Variants in KLHL29 observed in about 807,000 individuals in gnomAD.
KLHL29 encodes the protein kelch like family member 29.
Under a neutral mutation model 80.4 loss-of-function variants are expected in KLHL29, and 21 were observed. The ratio of observed to expected loss-of-function variants is 0.26; its 90% CI spans 0.19 to 0.38. KLHL29 has a LOEUF of 0.38. Among genes scored for constraint, KLHL29 ranks in the 10% least tolerant of loss-of-function variants. The pLI is 1.00. For synonymous variants in KLHL29, 511 were observed against 526.8 expected (o/e 0.97, Z 0.41); for missense variants, 867 against 1,223.9 (o/e 0.71, Z 4.35).
intron 5 of KLHL29, among the ~76,000 whole-genome samples, chr2:23,677,228 C>G (rs1359746732): frequency 6.6e-6 from 1 of 152,184 alleles, no homozygotes; most frequent in Non-Finnish European, 1.5e-5. Context: ...GCTGTAGGCA[C>G]GGAGGGGACC....
At chr2:23,397,432 G>A (rs945985170) in intron 1 of KLHL29, among the ~76,000 whole-genome samples, 6 of 152,374 alleles carry the variant, frequency 3.9e-5, no homozygotes, top group Middle Eastern at 3.4e-3. Flanking sequence ...CAGGGGTGGG[G>A]TGGTCACTCA....
At chr2:23,420,968 AGACCT>A (rs1467764002) in intron 1 of KLHL29, among the ~76,000 whole-genome samples, 8 of 152,136 alleles carry the variant, frequency 5.3e-5, no homozygotes, top group African/African-American at 1.9e-4. Flanking sequence ...GAGACCTTAG[AGACCT>A]GGCCAGGCGC....
chr2:23,534,873 C>T (rs1666616906), intron 2 of KLHL29, among the ~76,000 whole-genome samples: 1 of 152,198 alleles, frequency 6.6e-6, no homozygotes, highest in African/African-American at 2.4e-5. Flanking sequence ...CCTAGAACCC[C>T]CTGCAGGCTT....
intron 1 of KLHL29, among the ~76,000 whole-genome samples, chr2:23,398,338 A>G (rs956190166): frequency 2.0e-5 from 3 of 152,262 alleles, no homozygotes; most frequent in African/African-American, 7.2e-5. Flanking sequence ...AAGACGTTAT[A>G]CTAAGTGAAA....
chr2:23,417,379 G>GCGTTTACAC (rs1383248847), intron 1 of KLHL29, among the ~76,000 whole-genome samples: 1 of 152,224 alleles, frequency 6.6e-6, no homozygotes, highest in African/African-American at 2.4e-5. Context: ...AGTGACCGAA[G>GCGTTTACAC]TGAATCATCT....
chr2:23,506,465 C>T (rs1044593308), intron 2 of KLHL29, among the ~76,000 whole-genome samples: 1 of 152,202 alleles, frequency 6.6e-6, no homozygotes, highest in African/African-American at 2.4e-5. Flanking sequence ...TCCTTATCCC[C>T]CAAGAGCCAC....
At chr2:23,632,841 G>A (rs1171024380) in intron 3 of KLHL29, among the ~76,000 whole-genome samples, 1 of 152,256 alleles carries the variant, frequency 6.6e-6, no homozygotes, top group African/African-American at 2.4e-5. Context: ...ACTCGGAGCA[G>A]TGCTGGCCTC....
chr2:23,461,481 T>A (rs1211446519), intron 1 of KLHL29, among the ~76,000 whole-genome samples: 2 of 152,234 alleles, frequency 1.3e-5, no homozygotes, highest in Non-Finnish European at 2.9e-5. Flanking sequence ...CCACTTCTTG[T>A]TGATTAGGAG....
chr2:23,657,496 TG>T (rs1438253287), intron 5 of KLHL29, among the ~76,000 whole-genome samples: 1 of 152,236 alleles, frequency 6.6e-6, no homozygotes, highest in East Asian at 1.9e-4. Context: ...ATATTGCTAA[TG>T]GACATCTCTC....
rs932065570 is a variant in KLHL29, at chr2:23,703,478, A to G, written c.2299+99A>G. 2.6e-6 allele frequency: 3 copies of G among 1,158,652 alleles called. No homozygotes were observed. The African/African-American group carries it at 4.7e-5, about 18-fold the overall frequency. The allele number at this position is 1,158,652 out of a possible 1,614,324, so 71.8% of individuals were successfully genotyped here. On this transcript the variant is annotated intron_variant, in intron 12 of 13. Coordinates refer to ENST00000486442, the MANE Select transcript of KLHL29 (RefSeq NM_052920.2). Reference sequence around the variant, plus strand: ...GCCCAGAAGTCAGGCTAAGCCCAACAGCTCTGCAGACCCAGATCTAGAGGG... The same window carrying G: ...GCCCAGAAGTCAGGCTAAGCCCAACGGCTCTGCAGACCCAGATCTAGAGGG...
intron 5 of KLHL29, chr2:23,671,812 G>A (rs1463360655): frequency 1.3e-5 from 2 of 152,292 alleles, no homozygotes; most frequent in African/African-American, 2.4e-5. Context: ...CCCACTGGCT[G>A]GGGATGGAGG....
At chr2:23,434,079 T>C (rs10180852) in intron 1 of KLHL29, among the ~76,000 whole-genome samples, 67,453 of 151,790 alleles carry the variant, frequency 0.44, 15,713 homozygotes, top group African/African-American at 0.6. Flanking sequence ...CCCAGCACTT[T>C]GGGAGGCCGA....
intron 6 of KLHL29, chr2:23,690,120 C>T (rs1390676465): frequency 6.6e-6 from 1 of 152,320 alleles, no homozygotes; most frequent in Non-Finnish European, 1.5e-5. Flanking sequence ...TCCCCCTCTC[C>T]TCCTGGCCAT....
intron 5 of KLHL29, among the ~76,000 whole-genome samples, chr2:23,656,228 C>A (rs1001299957): frequency 6.6e-6 from 1 of 152,170 alleles, no homozygotes; most frequent in South Asian, 2.1e-4. Context: ...CCAAGGGGAC[C>A]GTCGCCGGCA....
chr2:23,449,651 G>T (rs1290094943), intron 1 of KLHL29, among the ~76,000 whole-genome samples: 1 of 152,158 alleles, frequency 6.6e-6, no homozygotes, highest in Non-Finnish European at 1.5e-5. Flanking sequence ...CCTAAAGCCA[G>T]TCACACAGTC....
At chr2:23,661,068 TTG>T (rs1255811845) in intron 5 of KLHL29, among the ~76,000 whole-genome samples, 1 of 146,268 alleles carries the variant, frequency 6.8e-6, no homozygotes, top group Non-Finnish European at 1.5e-5. Context: ...AAGCCAGGCA[TTG>T]TGTCTCACAC....
chr2:23,536,735 G>A (rs1480903871), intron 2 of KLHL29, among the ~76,000 whole-genome samples: 1 of 152,140 alleles, frequency 6.6e-6, no homozygotes, highest in Admixed American at 6.5e-5. Context: ...CTATTGGAAG[G>A]GCCCGAGCCT....
intron 2 of KLHL29, among the ~76,000 whole-genome samples, chr2:23,526,960 G>T (rs11682018): frequency 1.3e-5 from 2 of 151,916 alleles, no homozygotes; most frequent in South Asian, 2.1e-4. Flanking sequence ...GCAGGGTTTC[G>T]TGCTCGGGGT....
At chr2:23,446,714 C>A (rs976109848) in intron 1 of KLHL29, among the ~76,000 whole-genome samples, 1 of 152,230 alleles carries the variant, frequency 6.6e-6, no homozygotes, top group African/African-American at 2.4e-5. Context: ...ATCATTCTCT[C>A]ACGCCTGATT....
Sources: allele counts gnomAD v4.1 joint callset (sites outside exome capture counted in the v4.1 genomes callset), GRCh38; gene constraint gnomAD v4.1.1; transcripts MANE v1.5; gene names NCBI Gene and HGNC (gene_info 2026-07-23, HGNC 2026-07-21).